PLS1: variants seen among roughly 807,000 people sequenced by gnomAD.
PLS1 encodes plastin 1, also known as plastin-1.
PLS1 carries 32 observed loss-of-function variants against 73.7 expected under a neutral mutation model. The observed-to-expected ratio is 0.43, with a 90% CI of 0.33 to 0.58. The LOEUF (loss-of-function observed/expected upper bound fraction) is 0.58, where lower values mean the gene tolerates loss of function less well. Ranked by LOEUF, PLS1 falls within the 20% of genes least tolerant of loss-of-function variation. PLS1 has a pLI of 0.04. For missense variants in PLS1, 633 were observed against 740.5 expected, an observed-to-expected ratio of 0.85 and a Z score of 1.68; for synonymous variants, 217 against 261.3, an observed-to-expected ratio of 0.83 and a Z score of 1.63.
chr3:142,672,719 A>G (rs1449244427), intron 4 of PLS1, among the ~76,000 whole-genome samples: 1 of 152,198 alleles, frequency 6.6e-6, no homozygotes, highest in African/African-American at 2.4e-5. Flanking sequence ...TATTCTCTAG[A>G]AAAATATATG....
At chr3:142,616,401 GGTATT>G in intron 1 of PLS1, among the ~76,000 whole-genome samples, 1 of 151,864 alleles carries the variant, frequency 6.6e-6, no homozygotes, top group East Asian at 1.9e-4. Flanking sequence ...GAAAATAATA[GGTATT>G]GTATTTCTTC....
chr3:142,681,078 C>G (rs1056188280), intron 6 of PLS1, among the ~76,000 whole-genome samples: 1 of 152,058 alleles, frequency 6.6e-6, no homozygotes, highest in African/African-American at 2.4e-5. Context: ...AGACTATTAC[C>G]CCCTGCATAT....
rs563542749 is a variant in PLS1 at position 142,601,116 on chromosome 3, G to A, written c.-37+4607G>A. 3.2e-3 allele frequency among the ~76,000 whole-genome samples: 478 copies of A among 148,688 alleles called. 1 individual carries two copies. The highest frequency in any genetic ancestry group is 9.9e-3 in the African/African-American group (401 of 40,418). ...TTTTTTTTTTATTTTTAGTAGAGACGGGGTTTCACTGTGTTAGCCAGGATG... is the reference window on the plus strand; with the variant it reads ...TTTTTTTTTTATTTTTAGTAGAGACAGGGTTTCACTGTGTTAGCCAGGATG... On this transcript the variant is annotated intron_variant, in intron 1 of 15. Coordinates refer to ENST00000457734, the MANE Select transcript of PLS1 (RefSeq NM_001145319.2).
chr3:142,600,906 A>T lies in PLS1; in HGVS notation c.-37+4397A>T, dbSNP rs1408620150. Among the ~76,000 whole-genome samples the T allele has an allele frequency of 3.4e-4, 10 of 29,600 alleles. 1 individual carries two copies. The highest frequency in any genetic ancestry group is 2.0e-3 in the African/African-American group (8 of 4,094). 19.4% of individuals were successfully genotyped at this position (29,600 alleles called of 152,430 possible). ...TATATATATATATATATATATATAT[A>T]TATATATATATTTTTTTTTTTTTTT... On this transcript the variant is annotated intron_variant, in intron 1 of 15. Coordinates refer to ENST00000457734, the MANE Select transcript of PLS1 (RefSeq NM_001145319.2).
intron 1 of PLS1, among the ~76,000 whole-genome samples, chr3:142,630,327 G>A (rs140954574): frequency 0.027 from 4,045 of 151,532 alleles, 65 homozygotes; most frequent in South Asian, 0.058. Context: ...GGGCTGAGGC[G>A]GGAGGATTGC....
At chr3:142,604,626 A>G (rs970346958) in intron 1 of PLS1, among the ~76,000 whole-genome samples, 2 of 152,190 alleles carry the variant, frequency 1.3e-5, no homozygotes, top group Non-Finnish European at 2.9e-5. Flanking sequence ...CTTATCCTCA[A>G]ATAGCCAAAT....
intron 12 of PLS1, among the ~76,000 whole-genome samples, chr3:142,698,809 C>CTAATTT (rs1247022572): frequency 6.6e-6 from 1 of 152,108 alleles, no homozygotes; most frequent in Non-Finnish European, 1.5e-5. Flanking sequence ...ATCTTTTGAC[C>CTAATTT]TAATTTCACC....
At chr3:142,643,826 T>A (rs1335568133) in intron 1 of PLS1, among the ~76,000 whole-genome samples, 20 of 19,936 alleles carry the variant, frequency 1.0e-3, no homozygotes, top group Non-Finnish European at 2.0e-3. Flanking sequence ...CTTCATTTCA[T>A]TTTTTTTTTT....
intron 1 of PLS1, among the ~76,000 whole-genome samples, chr3:142,641,452 T>A (rs1577823050): frequency 1.3e-5 from 2 of 151,496 alleles, no homozygotes; most frequent in South Asian, 4.2e-4. Flanking sequence ...ATATATATCC[T>A]GTTCTTTTTA....
chr3:142,663,013 C>T (rs2037404635), intron 1 of PLS1, among the ~76,000 whole-genome samples: 1 of 151,994 alleles, frequency 6.6e-6, no homozygotes, highest in Admixed American at 6.6e-5. Flanking sequence ...AGTTCGAGAC[C>T]AGCCTGGCCA....
intron 1 of PLS1, among the ~76,000 whole-genome samples, chr3:142,635,379 T>C (rs185321413): frequency 2.6e-4 from 40 of 151,102 alleles, no homozygotes; most frequent in African/African-American, 9.7e-4. Context: ...CATATCTCAA[T>C]TAAAAAGTAG....
chr3:142,626,809 T>C (rs2036439873), intron 1 of PLS1, among the ~76,000 whole-genome samples: 1 of 152,238 alleles, frequency 6.6e-6, no homozygotes, highest in African/African-American at 2.4e-5. Context: ...TACTTGCTTA[T>C]TTAGTGAGTG....
At chr3:142,599,647 T>G (rs1039740850) in intron 1 of PLS1, among the ~76,000 whole-genome samples, 25 of 152,226 alleles carry the variant, frequency 1.6e-4, no homozygotes, top group Admixed American at 2.6e-4. Flanking sequence ...TTAACTAAGC[T>G]AGTTAGTGGG....
intron 1 of PLS1, among the ~76,000 whole-genome samples, chr3:142,662,432 G>T (rs1217380553): frequency 6.6e-6 from 1 of 152,130 alleles, no homozygotes. Context: ...TAGGGGCTAG[G>T]GGAGGGATAG....
intron 1 of PLS1, among the ~76,000 whole-genome samples, chr3:142,654,486 A>G (rs2037173727): frequency 6.6e-6 from 1 of 152,150 alleles, no homozygotes; most frequent in African/African-American, 2.4e-5. Context: ...GTAGGACTAT[A>G]GGTGCGTACC....
chr3:142,686,669 T>C (rs16852559), intron 9 of PLS1, among the ~76,000 whole-genome samples: 6,418 of 152,236 alleles, frequency 0.042, 439 homozygotes, highest in African/African-American at 0.15. Context: ...TAGAGTACAG[T>C]TCTCTACAAG....
intron 15 of PLS1, 104 bp from the exon 16 acceptor site, chr3:142,711,768 C>A: frequency 7.1e-7 from 1 of 1,411,998 alleles, no homozygotes; most frequent in Non-Finnish European, 9.8e-7. Context: ...CAAACTTAAC[C>A]TTTTCGTAAA....
chr3:142,704,389 TA>T, intron 13 of PLS1, 73 bp from the exon 14 acceptor site: 1 of 1,156,050 alleles, frequency 8.7e-7, no homozygotes, highest in Non-Finnish European at 1.2e-6. Flanking sequence ...AGTATTTATC[TA>T]AACATTGATA....
chr3:142,623,944 CTCTT>C (rs1291090592), intron 1 of PLS1, among the ~76,000 whole-genome samples: 5 of 152,170 alleles, frequency 3.3e-5, no homozygotes, highest in Admixed American at 6.6e-5. Context: ...ACTGAATGCA[CTCTT>C]TCTGTGCCAT....
Sources: allele counts gnomAD v4.1 joint callset (sites outside exome capture counted in the v4.1 genomes callset), GRCh38; gene constraint gnomAD v4.1.1; transcripts MANE v1.5; gene names NCBI Gene and HGNC (gene_info 2026-07-23, HGNC 2026-07-21).